COL21A1: variants seen among roughly 807,000 people sequenced by gnomAD.
COL21A1 encodes collagen type XXI alpha 1 chain.
Under a neutral mutation model 137.9 loss-of-function variants are expected in COL21A1, and 149 were observed. The observed-to-expected ratio is 1.08, with a 90% CI of 0.95 to 1.24. The LOEUF (loss-of-function observed/expected upper bound fraction) is 1.24. COL21A1 is among the 50% of genes most tolerant of loss of function. The pLI is 0.00. For synonymous variants in COL21A1, 456 were observed against 391.5 expected (o/e 1.16, Z -1.95); for missense variants, 1,167 against 1,158.4 (o/e 1.01, Z -0.11).
At chr6:56,096,932 T>A (rs987612994) in intron 17 of COL21A1, among the ~76,000 whole-genome samples, 1 of 152,140 alleles carries the variant, frequency 6.6e-6, no homozygotes, top group African/African-American at 2.4e-5. Flanking sequence ...CTTTATGGAT[T>A]TTTTTTCTAT....
intron 1 of COL21A1, among the ~76,000 whole-genome samples, chr6:56,306,417 G>A (rs1250938987): frequency 6.6e-6 from 1 of 152,006 alleles, no homozygotes; most frequent in African/African-American, 2.4e-5. Flanking sequence ...TTTCTTGGAG[G>A]CTTTATTCAT....
In COL21A1 at chr6:56,060,096, A is replaced by G. The variant is rs1197190678; in HGVS notation, c.2530T>C (p.Leu844=). Residue 844 remains leucine (L), a synonymous_variant, in exon 28 of 30, where the codon TTA becomes CTA. Coordinates refer to ENST00000244728, the MANE Select transcript of COL21A1 (RefSeq NM_030820.4). ...CCATCTCTTCCTGGCAAACCAGGTA[A>G]TCCTCTGGGACCCTCTGGGCCTATC... ...GPIGPEGPRG[L]PGLPGRDGVP... 1 of 1,609,836 alleles carries G rather than the reference A, an allele frequency of 6.2e-7. No homozygotes were observed. Among genetic ancestry groups the G allele is most frequent in the African/African-American group, 1.3e-5 (1 of 74,598 alleles).
At chr6:56,334,507 T>C (rs1487227878) in intron 1 of COL21A1, among the ~76,000 whole-genome samples, 1 of 152,172 alleles carries the variant, frequency 6.6e-6, no homozygotes, top group Admixed American at 6.6e-5. Flanking sequence ...TAAAAATAAA[T>C]ATAATCATAA....
At chr6:56,211,204 CATATATATGTATATGTAT>C (rs1460527605) in intron 1 of COL21A1, among the ~76,000 whole-genome samples, 1 of 19,532 alleles carries the variant, frequency 5.1e-5, no homozygotes, top group East Asian at 5.0e-3. Context: ...TGTATATATA[CATATATATGTATATGTAT>C]ATATACATAT....
At chr6:56,082,901 A>G (rs1767915095) in intron 17 of COL21A1, among the ~76,000 whole-genome samples, 1 of 151,856 alleles carries the variant, frequency 6.6e-6, no homozygotes, top group Non-Finnish European at 1.5e-5. Flanking sequence ...TTCCATCTAA[A>G]TCTCTATACT....
At chr6:56,373,458 C>T (rs1489236236) in intron 1 of COL21A1, among the ~76,000 whole-genome samples, 3 of 151,974 alleles carry the variant, frequency 2.0e-5, no homozygotes, top group East Asian at 1.9e-4. Context: ...AAAAATTAGC[C>T]GGGTGTGGTG....
In COL21A1 at chr6:56,295,200, G is replaced by T. The variant is rs936707542; in HGVS notation, c.-39+98771C>A. On this transcript the variant is annotated intron_variant, in intron 1 of 28. Transcript: ENST00000370819. ...TTATTCCAGTAGCATTTGTTGAAAA[G>T]ATTGGGTTTTTTTCTATTGAATTGC... Among the ~76,000 whole-genome samples the T allele has an allele frequency of 1.3e-4, 20 of 151,970 alleles. 1 individual carries two copies. Among genetic ancestry groups the T allele is most frequent in the Admixed American group, 1.3e-3 (20 of 15,252 alleles).
intron 3 of COL21A1, among the ~76,000 whole-genome samples, chr6:56,177,573 C>A (rs1259989353): frequency 1.3e-5 from 2 of 151,944 alleles, no homozygotes; most frequent in African/African-American, 4.8e-5. Context: ...GCGGGCGGAT[C>A]ATGAGGTCAG....
At chr6:56,164,307 C>G (rs1204193334) in intron 9 of COL21A1, 116 bp downstream of exon 9, 1 of 741,568 alleles carries the variant, frequency 1.3e-6, no homozygotes, top group Non-Finnish European at 2.3e-6. Context: ...GTTTTAAACT[C>G]TATAAGAAAT....
chr6:56,135,442 G>T (rs1361798433), intron 12 of COL21A1, among the ~76,000 whole-genome samples: 1 of 150,772 alleles, frequency 6.6e-6, no homozygotes, highest in Non-Finnish European at 1.5e-5. Flanking sequence ...GTGAAAATTA[G>T]AATTAAAAAA....
At chr6:56,276,400 A>T (rs1009097067) in intron 1 of COL21A1, 106 of 561,070 alleles carry the variant, frequency 1.9e-4, no homozygotes, top group Non-Finnish European at 3.1e-4. Context: ...ATAATTTTTA[A>T]AAAGGTTTCC....
rs201350899 is a variant in COL21A1 at position 56,261,051 on chromosome 6, A to C, written c.-38-78395T>G. Among the ~76,000 whole-genome samples the C allele has an allele frequency of 1.6e-4, 24 of 151,628 alleles. 1 individual carries two copies. The highest frequency in any genetic ancestry group is 1.6e-3 in the Admixed American group (24 of 15,228). ...TCTTCTGGTTCTTGGTTTTCTTGAC[A>C]CTTCACTTTTTATAGAAAATAAGGA... On this transcript the variant is annotated intron_variant, in intron 1 of 28. Coordinates refer to the COL21A1 transcript ENST00000370819.
intron 1 of COL21A1, among the ~76,000 whole-genome samples, chr6:56,309,706 T>G (rs1764563670): frequency 1.3e-5 from 2 of 152,204 alleles, no homozygotes; most frequent in African/African-American, 4.8e-5. Flanking sequence ...TCAAAAAGTC[T>G]CCTCTGAAGG....
rs1561920261 is a variant in COL21A1, at chr6:56,150,554, ACACACACACAC to A, written c.1434+6322_1434+6332del. 1.3e-3 allele frequency among the ~76,000 whole-genome samples: 197 copies of A among 151,224 alleles called. 4 individuals carry two copies. The highest frequency in any genetic ancestry group is 3.3e-3 in the African/African-American group (136 of 41,222). Reference sequence around the variant, plus strand: ...CACACACACACACACACACACACACACACACACACACAAGAGTGGGGGGAACTGAATCACGA... The same window carrying A: ...CACACACACACACACACACACACACAAAGAGTGGGGGGAACTGAATCACGA... On this transcript the variant is annotated intron_variant, in intron 10 of 29. Transcript: ENST00000244728.
intron 1 of COL21A1, among the ~76,000 whole-genome samples, chr6:56,334,424 G>T (rs533690468): frequency 6.6e-6 from 1 of 152,174 alleles, no homozygotes; most frequent in South Asian, 2.1e-4. Flanking sequence ...TAGTATACAA[G>T]GAAAACACAA....
At position 56,121,313 on chromosome 6, in the gene COL21A1, C is replaced by A. The variant is rs1331936080; in HGVS notation, c.1758+2749G>T. ...AAGGCTACATAATGTATCATTCCAACTATATGATATGCTGAAAAAGGAAAA... is the reference window on the plus strand; with the variant it reads ...AAGGCTACATAATGTATCATTCCAAATATATGATATGCTGAAAAAGGAAAA... On this transcript the variant is annotated intron_variant, in intron 16 of 29. Transcript: ENST00000244728. 2.0e-5 allele frequency among the ~76,000 whole-genome samples: 3 copies of A among 151,604 alleles called. No individual in the cohort carries two copies. In the East Asian group the frequency reaches 5.8e-4, roughly 29 times the overall value.
At chr6:56,228,968 C>A (rs1280588435) in intron 1 of COL21A1, among the ~76,000 whole-genome samples, 1 of 151,798 alleles carries the variant, frequency 6.6e-6, no homozygotes, top group Non-Finnish European at 1.5e-5. Flanking sequence ...ATATAGTAAG[C>A]TAATTATGTG....
chr6:56,154,289 C>T (rs1399705307), intron 10 of COL21A1, among the ~76,000 whole-genome samples: 1 of 152,146 alleles, frequency 6.6e-6, no homozygotes, highest in East Asian at 1.9e-4. Context: ...GACTTCCCAG[C>T]CTGCAGAATC....
chr6:56,239,992 T>C (rs1782178830), intron 1 of COL21A1, among the ~76,000 whole-genome samples: 1 of 152,126 alleles, frequency 6.6e-6, no homozygotes, highest in Non-Finnish European at 1.5e-5. Context: ...TCCCCCATAC[T>C]GTTCTCATGG....
Sources: allele counts gnomAD v4.1 joint callset (sites outside exome capture counted in the v4.1 genomes callset), GRCh38; gene constraint gnomAD v4.1.1; transcripts MANE v1.5; gene names NCBI Gene and HGNC (gene_info 2026-07-23, HGNC 2026-07-21).